Variants in ZDBF2 observed in about 807,000 individuals in gnomAD.
ZDBF2 encodes the protein zinc finger DBF-type containing 2, also known as DBF4-type zinc finger-containing protein 2.
ZDBF2 carries 6 observed loss-of-function variants against 9.4 expected under a neutral mutation model. The observed-to-expected ratio is 0.64, with a 90% CI of 0.35 to 1.27. ZDBF2 has a LOEUF of 1.27. Ranked by LOEUF, ZDBF2 falls within the 50% of genes most tolerant of loss-of-function variation. The probability of loss-of-function intolerance (pLI) is 0.03; values close to 1 mark genes in which losing one functional copy is unlikely to be tolerated. For missense variants in ZDBF2, 2,697 were observed against 2,766.8 expected, an observed-to-expected ratio of 0.97 and a Z score of 0.57; for synonymous variants, 905 against 946.3, an observed-to-expected ratio of 0.96 and a Z score of 0.80.
chr2:206,276,357 TAA>T (rs1464980315), intron 1 of ZDBF2, among the ~76,000 whole-genome samples: 2 of 152,202 alleles, frequency 1.3e-5, no homozygotes, highest in African/African-American at 4.8e-5. Context: ...CGGTTGTAAT[TAA>T]AAATTTATTG....
In ZDBF2 at chr2:206,309,910, G is replaced by T; in HGVS notation, c.5382G>T (p.Lys1794Asn). ...NHDSQSSSVL[K>N]VDSVRNLKKA... is the part of the protein sequence containing the mutation. ...ATTCCCAGTCAAGCTCTGTTCTCAA[G>T]GTTGATTCTGTAAGGAACCTGAAAA... is the stretch of plus-strand genomic sequence containing the variant. Residue 1794 changes from lysine (K) to asparagine (N), a missense_variant, in exon 5 of 5, where the codon AAG (lysine) becomes AAT (asparagine). Lys to Asn is a moderately conservative substitution (Grantham distance 94). Around this residue, in one of 3 missense-constraint regions of ZDBF2, gnomAD observed 1,783 missense variants for 1,776.5 expected, o/e 1.00. Transcript: ENST00000374423. 1.9e-6 allele frequency: 3 copies of T among 1,613,914 alleles called. No individual in the cohort carries two copies. The East Asian group carries it at 6.7e-5, about 36-fold the overall frequency.
chr2:206,277,080 G>A (rs1344051880), intron 1 of ZDBF2, among the ~76,000 whole-genome samples: 1 of 152,012 alleles, frequency 6.6e-6, no homozygotes, highest in African/African-American at 2.4e-5. Context: ...CCTTTCTATT[G>A]TCTTTCCTTA....
At chr2:206,276,520 T>G (rs1185455271) in intron 1 of ZDBF2, among the ~76,000 whole-genome samples, 1 of 152,214 alleles carries the variant, frequency 6.6e-6, no homozygotes, top group East Asian at 1.9e-4. Context: ...AGAGTCCTAA[T>G]TATTTGTTTT....
At position 206,297,242 on chromosome 2, in the gene ZDBF2, A is replaced by T. The variant is rs748983905; in HGVS notation, c.61-4A>T. ...AAAATATTCCATTTCTTTTTTCTTT[A>T]TAGCATTTGTTCAGTGCTCAGCACA... On this transcript the variant is annotated splice_polypyrimidine_tract_variant and splice_region_variant and intron_variant, in intron 3 of 4. Transcript: ENST00000374423. The T allele has an allele frequency of 4.9e-6, 6 of 1,221,428 alleles. No individual in the cohort carries two copies. The highest frequency in any genetic ancestry group is 1.8e-5 in the Admixed American group (1 of 56,222). The allele number at this position is 1,221,428 out of a possible 1,614,324, so 75.7% of individuals were successfully genotyped here.
chr2:206,302,342 T>C (rs909626089), intron 4 of ZDBF2, among the ~76,000 whole-genome samples: 4 of 152,080 alleles, frequency 2.6e-5, no homozygotes, highest in African/African-American at 9.7e-5. Flanking sequence ...AATGGTTAGA[T>C]TTTTAGAGAG....
chr2:206,305,513 A>G lies in ZDBF2; in HGVS notation c.985A>G (p.Asn329Asp), dbSNP rs1191168399. Residue 329 changes from asparagine to aspartate, a missense_variant, in exon 5 of 5, where the codon AAC becomes GAC. Transcript: ENST00000374423. Reference sequence around the variant, plus strand: ...AATCTTTGAAGATACTATTGCAAAGAACCATGAGGAATTCTTTTCTAACAT... The same window carrying G: ...AATCTTTGAAGATACTATTGCAAAGGACCATGAGGAATTCTTTTCTAACAT... ...KGIFEDTIAK[N>D]HEEFFSNMDC... 1 of 1,613,342 alleles carries G rather than the reference A, an allele frequency of 6.2e-7. No homozygotes were observed. The highest frequency in any genetic ancestry group is 2.2e-5 in the East Asian group (1 of 44,872).
chr2:206,282,158 G>A (rs995695737), intron 3 of ZDBF2, among the ~76,000 whole-genome samples: 1 of 152,182 alleles, frequency 6.6e-6, no homozygotes, highest in East Asian at 1.9e-4. Flanking sequence ...TAATGCGTGA[G>A]ATTGTGATAA....
chr2:206,289,162 C>T (rs546995457), intron 3 of ZDBF2, among the ~76,000 whole-genome samples: 1 of 152,204 alleles, frequency 6.6e-6, no homozygotes, highest in African/African-American at 2.4e-5. Flanking sequence ...AGCTGCTCAG[C>T]TTGGCCAGGA....
At chr2:206,281,980 ATTAAT>A (rs1194809605) in intron 3 of ZDBF2, 71 bp downstream of exon 3, 3 of 1,322,986 alleles carry the variant, frequency 2.3e-6, no homozygotes, top group Non-Finnish European at 3.1e-6. Flanking sequence ...ATTTTATTAA[ATTAAT>A]TTATTTATTC....
At chr2:206,288,921 TCAG>T (rs774782937) in intron 3 of ZDBF2, among the ~76,000 whole-genome samples, 1 of 152,064 alleles carries the variant, frequency 6.6e-6, no homozygotes, top group Admixed American at 6.5e-5. Context: ...ATGGTGGGAC[TCAG>T]CAGCAGCAGA....
chr2:206,311,663 A>G lies in ZDBF2; in HGVS notation c.*70A>G, dbSNP rs1693203090. On this transcript the variant is annotated 3_prime_UTR_variant, in exon 5 of 5. Transcript: ENST00000374423. ...TTGAAATATATTTGGTACTTTGTGC[A>G]CACAGCTTTCCCAGCTTTGGTGAGA... The G allele has an allele frequency of 3.8e-6, 5 of 1,332,192 alleles. No individual in the cohort carries two copies. Among genetic ancestry groups the G allele is most frequent in the Admixed American group, 2.9e-5 (1 of 34,332 alleles). 82.5% of individuals were successfully genotyped at this position (1,332,192 alleles called of 1,614,324 possible). A position where few individuals can be genotyped will look rare whatever the true frequency, so the allele number is the denominator to read the frequency against.
intron 4 of ZDBF2, among the ~76,000 whole-genome samples, chr2:206,298,028 G>A (rs1478153900): frequency 6.6e-6 from 1 of 152,174 alleles, no homozygotes; most frequent in Non-Finnish European, 1.5e-5. Flanking sequence ...GACAATAGCA[G>A]AGTAAGGACA....
At chr2:206,288,977 A>T (rs1177628326) in intron 3 of ZDBF2, among the ~76,000 whole-genome samples, 1 of 152,126 alleles carries the variant, frequency 6.6e-6, no homozygotes, top group Non-Finnish European at 1.5e-5. Flanking sequence ...AGGGAACAGT[A>T]CAACAATGAC....
intron 4 of ZDBF2, among the ~76,000 whole-genome samples, chr2:206,298,218 G>A (rs142360690): frequency 6.6e-6 from 1 of 152,240 alleles, no homozygotes; most frequent in African/African-American, 2.4e-5. Flanking sequence ...AAGAGTTAAT[G>A]CCCTATGTTA....
chr2:206,310,887 A>C lies in ZDBF2; in HGVS notation c.6359A>C (p.Gln2120Pro). ...VPARYGFNSH[Q>P]GTSDSSLFLE... ...GCAAGATATGGATTTAATTCACATC[A>C]GGGAACCAGTGACTCTTCTCTGTTT... is the stretch of plus-strand genomic sequence containing the variant. Residue 2120 changes from glutamine (Q) to proline (P), a missense_variant, in exon 5 of 5, where the codon CAG (glutamine) becomes CCG (proline). Physicochemically the swap from Gln to Pro is moderately conservative, Grantham distance 76 (BLOSUM62 -1). This residue lies in a region of ZDBF2 where 1,783 missense variants were observed against 1,776.5 expected (regional missense o/e 1.00). Coordinates refer to ENST00000374423, the MANE Select transcript of ZDBF2 (RefSeq NM_020923.3). 1 of 1,613,960 alleles carries C rather than the reference A, an allele frequency of 6.2e-7. No homozygotes were observed. The highest frequency in any genetic ancestry group is 8.5e-7 in the Non-Finnish European group (1 of 1,179,874).
chr2:206,286,245 T>A (rs1311975780), intron 3 of ZDBF2, among the ~76,000 whole-genome samples: 5 of 152,184 alleles, frequency 3.3e-5, no homozygotes, highest in African/African-American at 1.2e-4. Flanking sequence ...TTAAATCAAG[T>A]GTTTCTTTGC....
chr2:206,301,983 CAA>C (rs1245874291), intron 4 of ZDBF2, among the ~76,000 whole-genome samples: 3 of 147,328 alleles, frequency 2.0e-5, no homozygotes, highest in African/African-American at 7.5e-5. Flanking sequence ...TTTTTTAGCT[CAA>C]GAGTTTTTCT....
chr2:206,274,728 G>A lies in ZDBF2; in HGVS notation c.-321G>A, dbSNP rs1034134469. 6.6e-6 allele frequency: 1 copy of A among 152,232 alleles called. No homozygotes were observed. Among genetic ancestry groups the A allele is most frequent in the East Asian group, 1.9e-4 (1 of 5,182 alleles). 9.4% of individuals were successfully genotyped at this position (152,232 alleles called of 1,614,324 possible). On this transcript the variant is annotated 5_prime_UTR_variant, in exon 1 of 5. Coordinates refer to ENST00000374423, the MANE Select transcript of ZDBF2 (RefSeq NM_020923.3). ...CCTGCGTGAGTGGAGTCGCGACTCG[G>A]GGCCCGCGTCCTGAGAGACGCGCTC...
At chr2:206,278,992 TG>T (rs1272442952) in intron 1 of ZDBF2, among the ~76,000 whole-genome samples, 1 of 152,176 alleles carries the variant, frequency 6.6e-6, no homozygotes, top group East Asian at 1.9e-4. Flanking sequence ...TATACCGTGG[TG>T]TCACTGGCTC....
Sources: allele counts gnomAD v4.1 joint callset (sites outside exome capture counted in the v4.1 genomes callset), GRCh38; gene constraint gnomAD v4.1.1; regional missense constraint gnomAD v4.1.1; transcripts MANE v1.5; gene names NCBI Gene and HGNC (gene_info 2026-07-23, HGNC 2026-07-21).